Variants in FRAS1 observed in about 807,000 individuals in gnomAD.
FRAS1 encodes the protein extracellular matrix organizing protein FRAS1.
In FRAS1, 290 loss-of-function variants were observed where a neutral mutation model predicts 435.2. The observed-to-expected ratio is 0.67, with a 90% CI of 0.61 to 0.73. The LOEUF is 0.73. FRAS1 is among the 30% of genes least tolerant of loss of function. FRAS1 has a pLI of 0.00. For synonymous variants in FRAS1, 1,800 were observed against 1,851.0 expected, an observed-to-expected ratio of 0.97 and a Z score of 0.71; for missense variants, 4,860 against 5,001.5, an observed-to-expected ratio of 0.97 and a Z score of 0.85.
At chr4:78,244,348 A>G in intron 3 of FRAS1, among the ~76,000 whole-genome samples, 1 of 152,084 alleles carries the variant, frequency 6.6e-6, no homozygotes, top group South Asian at 2.1e-4. Context: ...ATAAGTCATG[A>G]TTTCCTGGCT....
At chr4:78,518,318 TTATACTG>T (rs1236083204) in intron 66 of FRAS1, among the ~76,000 whole-genome samples, 3 of 151,058 alleles carry the variant, frequency 2.0e-5, no homozygotes, top group African/African-American at 7.3e-5. Context: ...TAGAAACACT[TTATACTG>T]TATTTTCAAA....
At chr4:78,125,684 T>C (rs553037828) in intron 2 of FRAS1, among the ~76,000 whole-genome samples, 1 of 152,172 alleles carries the variant, frequency 6.6e-6, no homozygotes, top group Non-Finnish European at 1.5e-5. Context: ...CCAGATGCTG[T>C]TTTCCTGGGT....
At chr4:78,240,899 C>T (rs752980940) in intron 3 of FRAS1, among the ~76,000 whole-genome samples, 2 of 152,014 alleles carry the variant, frequency 1.3e-5, no homozygotes, top group Non-Finnish European at 2.9e-5. Context: ...TTATAGTCAC[C>T]AAGGAGAGTA....
intron 2 of FRAS1, among the ~76,000 whole-genome samples, chr4:78,129,099 A>G (rs1474913784): frequency 2.6e-5 from 4 of 152,154 alleles, no homozygotes; most frequent in Non-Finnish European, 5.9e-5. Context: ...GCTCTGTTCT[A>G]TTCCATCGGT....
intron 2 of FRAS1, among the ~76,000 whole-genome samples, chr4:78,175,053 G>A (rs1721705339): frequency 6.6e-6 from 1 of 152,228 alleles, no homozygotes; most frequent in Admixed American, 6.5e-5. Flanking sequence ...GAAAGATGAA[G>A]TGGGTGAAAT....
At chr4:78,073,943 G>A (rs898394525) in intron 2 of FRAS1, among the ~76,000 whole-genome samples, 2 of 152,118 alleles carry the variant, frequency 1.3e-5, no homozygotes, top group Admixed American at 1.3e-4. Context: ...TCCCAGCTAA[G>A]TTCTTTTAGC....
rs144497292 is a variant in FRAS1, at chr4:78,432,299, T to C, written c.4970-58T>C. On this transcript the variant is annotated intron_variant, in intron 37 of 73. Transcript: ENST00000512123. ...AAGTCCTGAAAACAAAGGTGCTATA[T>C]AATGAAAAGCATTATTCCCAGAAGC... is the stretch of plus-strand genomic sequence containing the variant. The C allele has an allele frequency of 3.5e-4, 529 of 1,503,914 alleles. 3 individuals carry two copies. The African/African-American group carries it at 6.5e-3, about 19-fold the overall frequency. 93.2% of individuals were successfully genotyped at this position (1,503,914 alleles called of 1,614,324 possible). A position where few individuals can be genotyped will look rare whatever the true frequency, so the allele number is the denominator to read the frequency against.
chr4:78,372,691 A>T (rs534224072), intron 23 of FRAS1, 27 bp from the exon 24 acceptor site: 4 of 1,610,956 alleles, frequency 2.5e-6, no homozygotes, highest in African/African-American at 1.3e-5. Context: ...AGAAAGGAAG[A>T]TAATCTAATG....
chr4:78,153,592 G>T (rs553789448), intron 2 of FRAS1, among the ~76,000 whole-genome samples: 16 of 152,264 alleles, frequency 1.1e-4, no homozygotes, highest in African/African-American at 3.8e-4. Context: ...GAGTGTTAAA[G>T]ACTGTCTGTA....
chr4:78,315,017 C>G (rs549963331), intron 15 of FRAS1, among the ~76,000 whole-genome samples: 150 of 152,192 alleles, frequency 9.9e-4, no homozygotes, highest in African/African-American at 3.5e-3. Flanking sequence ...GTTTCTAACC[C>G]CGGCACAAGA....
intron 48 of FRAS1, 35 bp downstream of exon 48, chr4:78,464,180 A>G (rs746855899): frequency 4.4e-6 from 7 of 1,586,656 alleles, no homozygotes; most frequent in African/African-American, 2.7e-5. Context: ...CTTGAAAAGT[A>G]TTGATTCCTC....
chr4:78,308,261 A>C, intron 15 of FRAS1, 52 bp downstream of exon 15: 1 of 1,576,540 alleles, frequency 6.3e-7, no homozygotes, highest in Non-Finnish European at 8.7e-7. Flanking sequence ...CTTTTCCAGC[A>C]TCTCTTGTTG....
chr4:78,336,968 C>T (rs150235432), intron 19 of FRAS1, among the ~76,000 whole-genome samples: 2 of 151,918 alleles, frequency 1.3e-5, no homozygotes, highest in South Asian at 2.1e-4. Context: ...TACACCTTAC[C>T]GTGACTCTCT....
At chr4:78,481,532 C>T (rs1720011391) in intron 56 of FRAS1, among the ~76,000 whole-genome samples, 1 of 152,204 alleles carries the variant, frequency 6.6e-6, no homozygotes, top group Admixed American at 6.5e-5. Flanking sequence ...GAAGCCACAA[C>T]AGCCTTCTCC....
At chr4:78,226,809 T>G (rs1261577075) in intron 2 of FRAS1, among the ~76,000 whole-genome samples, 1 of 152,220 alleles carries the variant, frequency 6.6e-6, no homozygotes, top group African/African-American at 2.4e-5. Context: ...TAGAACTCAA[T>G]CACCCATTTG....
At chr4:78,190,282 T>C (rs1361883013) in intron 2 of FRAS1, among the ~76,000 whole-genome samples, 1 of 152,174 alleles carries the variant, frequency 6.6e-6, no homozygotes, top group Admixed American at 6.5e-5. Flanking sequence ...TTTTGCACTG[T>C]TTAGTCTTTC....
At chr4:78,184,917 C>T (rs1316425363) in intron 2 of FRAS1, among the ~76,000 whole-genome samples, 4 of 152,230 alleles carry the variant, frequency 2.6e-5, no homozygotes, top group Non-Finnish European at 5.9e-5. Flanking sequence ...CTACCAATGG[C>T]TCTGTCCTTC....
intron 2 of FRAS1, among the ~76,000 whole-genome samples, chr4:78,225,220 T>C (rs901575710): frequency 6.6e-6 from 1 of 152,202 alleles, no homozygotes; most frequent in Non-Finnish European, 1.5e-5. Context: ...TTGATTTTGT[T>C]ATTTTTGTTC....
In FRAS1 at chr4:78,515,899, C is replaced by A; in HGVS notation, c.10275C>A (p.Thr3425=). Residue 3425 remains threonine, a synonymous_variant, in exon 66 of 74, where the codon ACC becomes ACA. Coordinates refer to ENST00000512123, the MANE Select transcript of FRAS1 (RefSeq NM_025074.7). ...ACCCCAGCGTGCGAGAGCCGAAGAC[C>A]ATCCAGCTCTACAAACACCTGAACC... ...QFDPSVREPK[T]IQLYKHLNLK... 6.2e-7 allele frequency: 1 copy of A among 1,614,000 alleles called. No individual in the cohort carries two copies. The highest frequency in any genetic ancestry group is 8.5e-7 in the Non-Finnish European group (1 of 1,179,880).
Sources: gnomAD v4.1 joint callset for allele counts (sites outside exome capture counted in the v4.1 genomes callset) on GRCh38, gnomAD v4.1.1 for gene constraint, MANE v1.5 for transcripts, NCBI Gene and HGNC (gene_info 2026-07-23, HGNC 2026-07-21) for gene names.